MAPK10: variants seen among roughly 807,000 people sequenced by gnomAD.
MAPK10 encodes mitogen-activated protein kinase 10, also known as JNK3 alpha protein kinase.
MAPK10 carries 25 observed loss-of-function variants against 59.3 expected under a neutral mutation model. The observed-to-expected ratio is 0.42, with a 90% CI of 0.31 to 0.59. MAPK10 has a LOEUF of 0.59. Among genes scored for constraint, MAPK10 ranks in the 20% least tolerant of loss-of-function variants. The probability of loss-of-function intolerance (pLI) is 0.15; values close to 1 mark genes in which losing one functional copy is unlikely to be tolerated. For missense variants in MAPK10, 351 were observed against 568.9 expected, an observed-to-expected ratio of 0.62 and a Z score of 3.90; for synonymous variants, 190 against 200.5, an observed-to-expected ratio of 0.95 and a Z score of 0.44.
At chr4:86,268,754 C>T (rs2094337127) in intron 2 of MAPK10, among the ~76,000 whole-genome samples, 1 of 152,200 alleles carries the variant, frequency 6.6e-6, no homozygotes, top group Non-Finnish European at 1.5e-5. Context: ...TCTTCCTTGA[C>T]AGTTCTAACT....
intron 11 of MAPK10, chr4:86,040,839 A>G (rs995981496): frequency 6.6e-6 from 1 of 152,168 alleles, no homozygotes; most frequent in Non-Finnish European, 1.5e-5. Context: ...ATGTTAAAAT[A>G]AAATAAAAAA....
At chr4:86,397,168 A>C (rs1221617957) in intron 1 of MAPK10, among the ~76,000 whole-genome samples, 1 of 152,216 alleles carries the variant, frequency 6.6e-6, no homozygotes, top group Non-Finnish European at 1.5e-5. Context: ...ATTTTTATTA[A>C]GCACATCTAA....
rs1743460775 is a variant in MAPK10 at position 86,016,730 on chromosome 4, C to CT, written c.*497dup. The stretch of plus-strand genomic sequence containing the variant: ...ATGTCTTGGTAGAGCCCTGAGGACA[C>CT]TGACAGTAGCATCTCTAAGTAAGTA... On this transcript the variant is annotated 3_prime_UTR_variant, in exon 14 of 14. Coordinates refer to ENST00000641462, the MANE Select transcript of MAPK10 (RefSeq NM_138982.4). The CT allele has an allele frequency of 1.3e-5, 2 of 157,554 alleles. No individual in the cohort carries two copies. Among genetic ancestry groups the CT allele is most frequent in the South Asian group, 3.8e-4 (2 of 5,314 alleles). The allele number at this position is 157,554 out of a possible 1,614,324, so 9.8% of individuals were successfully genotyped here. A position where few individuals can be genotyped will look rare whatever the true frequency, so the allele number is the denominator to read the frequency against.
At chr4:86,315,300 A>G (rs146388053) in intron 2 of MAPK10, among the ~76,000 whole-genome samples, 58 of 152,200 alleles carry the variant, frequency 3.8e-4, no homozygotes, top group Admixed American at 9.2e-4. Context: ...ATAGGTACAA[A>G]AAAATAGTTA....
intron 1 of MAPK10, among the ~76,000 whole-genome samples, chr4:86,481,124 A>G (rs1753574455): frequency 6.6e-6 from 1 of 152,222 alleles, no homozygotes; most frequent in Admixed American, 6.5e-5. Context: ...CTTCCTAAAC[A>G]GGAAACCAGT....
chr4:86,273,794 G>C (rs1321438277), intron 2 of MAPK10, among the ~76,000 whole-genome samples: 1 of 151,952 alleles, frequency 6.6e-6, no homozygotes, highest in East Asian at 1.9e-4. Flanking sequence ...TTATGTTCAA[G>C]AGGCTTTGTG....
chr4:86,393,009 T>G (rs2149010548), intron 1 of MAPK10, among the ~76,000 whole-genome samples: 1 of 152,348 alleles, frequency 6.6e-6, no homozygotes, highest in South Asian at 2.1e-4. Flanking sequence ...GGAGTCATAC[T>G]TATGTCCTTG....
chr4:86,436,906 T>C (rs2090522374), intron 1 of MAPK10, among the ~76,000 whole-genome samples: 1 of 152,112 alleles, frequency 6.6e-6, no homozygotes, highest in Non-Finnish European at 1.5e-5. Context: ...AAGTTTTCAA[T>C]ATTTCACCAT....
rs185131788 is a variant in MAPK10 at position 86,575,128 on chromosome 4, G to A, written c.-263+18782C>T. ...AGAGAAACTCCCTTCTTTTCTTCCT[G>A]TCTGCCTGTTTGAGCCGGGACATTG... On this transcript the variant is annotated intron_variant, in intron 1 of 4. Transcript: ENST00000502302. Among the ~76,000 whole-genome samples the A allele has an allele frequency of 5.3e-5, 8 of 152,270 alleles. No homozygotes were observed. In the East Asian group the frequency reaches 7.7e-4, roughly 15 times the overall value.
At chr4:86,168,469 A>C (rs531834557) in intron 3 of MAPK10, among the ~76,000 whole-genome samples, 17 of 152,350 alleles carry the variant, frequency 1.1e-4, no homozygotes, top group African/African-American at 4.1e-4. Context: ...CTAGCACAGC[A>C]GTCTGAGATC....
intron 1 of MAPK10, among the ~76,000 whole-genome samples, chr4:86,376,645 T>C (rs1383729551): frequency 6.6e-6 from 1 of 152,188 alleles, no homozygotes; most frequent in East Asian, 1.9e-4. Context: ...ACCATATTTA[T>C]TAAGGACGTA....
At chr4:86,444,795 C>T (rs534180024) in intron 1 of MAPK10, among the ~76,000 whole-genome samples, 31 of 150,832 alleles carry the variant, frequency 2.1e-4, no homozygotes, top group Non-Finnish European at 3.1e-4. Flanking sequence ...GACATTCATG[C>T]GGCCAACAAA....
At chr4:86,238,624 C>G (rs1019412826) in intron 2 of MAPK10, among the ~76,000 whole-genome samples, 20 of 152,240 alleles carry the variant, frequency 1.3e-4, no homozygotes, top group Non-Finnish European at 2.9e-4. Flanking sequence ...AATGGGAGTT[C>G]ATTCATGATT....
At chr4:86,367,573 C>A (rs1046746552) in intron 1 of MAPK10, among the ~76,000 whole-genome samples, 4 of 152,130 alleles carry the variant, frequency 2.6e-5, no homozygotes, top group Admixed American at 2.6e-4. Flanking sequence ...AAAGAGGCTA[C>A]CACATCCAGT....
At chr4:86,042,464 A>G (rs1376801838) in intron 11 of MAPK10, among the ~76,000 whole-genome samples, 1 of 152,324 alleles carries the variant, frequency 6.6e-6, no homozygotes, top group African/African-American at 2.4e-5. Context: ...CGTTCTGCAC[A>G]TGTATCCCAG....
At chr4:86,239,104 T>A (rs1484293980) in intron 2 of MAPK10, among the ~76,000 whole-genome samples, 17 of 152,294 alleles carry the variant, frequency 1.1e-4, no homozygotes, top group Admixed American at 3.3e-4. Context: ...ATTGAGATAA[T>A]CATGTGGTTT....
intron 2 of MAPK10, among the ~76,000 whole-genome samples, chr4:86,348,079 T>C (rs1011613378): frequency 6.6e-6 from 1 of 152,218 alleles, no homozygotes; most frequent in Non-Finnish European, 1.5e-5. Context: ...AAATCTGTTA[T>C]GCTAATTTCT....
intron 2 of MAPK10, among the ~76,000 whole-genome samples, chr4:86,244,955 T>C (rs1453303188): frequency 6.6e-6 from 1 of 152,226 alleles, no homozygotes; most frequent in Non-Finnish European, 1.5e-5. Context: ...TGTTACACTT[T>C]GCAGTATCTA....
chr4:86,175,861 T>A (rs1489542865), intron 3 of MAPK10: 1 of 152,218 alleles, frequency 6.6e-6, no homozygotes, highest in Non-Finnish European at 1.5e-5. Context: ...AATTGGTACC[T>A]CACTTTAATA....
Sources: allele counts gnomAD v4.1 joint callset (sites outside exome capture counted in the v4.1 genomes callset), GRCh38; gene constraint gnomAD v4.1.1; transcripts MANE v1.5; gene names NCBI Gene and HGNC (gene_info 2026-07-23, HGNC 2026-07-21).